The following CNTRL variants were observed in gnomAD, a reference collection of about 807,000 sequenced individuals.
The protein encoded by CNTRL is 110 kDa centrosomal protein.
In CNTRL, 233 loss-of-function variants were observed where a neutral mutation model predicts 303.7. The observed-to-expected ratio is 0.77, with a 90% CI of 0.69 to 0.86. The LOEUF (loss-of-function observed/expected upper bound fraction) is 0.86, where lower values mean the gene tolerates loss of function less well. CNTRL is among the 40% of genes least tolerant of loss of function. The probability of loss-of-function intolerance (pLI) is 0.00; values close to 1 mark genes in which losing one functional copy is unlikely to be tolerated. For missense variants in CNTRL, 2,524 were observed against 2,650.6 expected, an observed-to-expected ratio of 0.95 and a Z score of 1.05; for synonymous variants, 900 against 922.2, an observed-to-expected ratio of 0.98 and a Z score of 0.44.
intron 34 of CNTRL, among the ~76,000 whole-genome samples, chr9:121,164,224 G>A (rs541360773): frequency 2.6e-5 from 4 of 152,226 alleles, no homozygotes; most frequent in Admixed American, 6.5e-5. Context: ...TTAAACTTTG[G>A]AAGACAGTTT....
At chr9:121,086,731 C>T (rs1327254662) in intron 2 of CNTRL, among the ~76,000 whole-genome samples, 1 of 150,994 alleles carries the variant, frequency 6.6e-6, no homozygotes, top group African/African-American at 2.4e-5. Context: ...GCTTCTGCCT[C>T]CTGGGTTCAA....
intron 34 of CNTRL, among the ~76,000 whole-genome samples, 196 bp downstream of exon 34, chr9:121,162,467 T>A (rs953392447): frequency 1.6e-4 from 25 of 152,184 alleles, no homozygotes; most frequent in African/African-American, 5.5e-4. Flanking sequence ...AGCATTTTTT[T>A]AAAATCTATT....
chr9:121,159,102 A>G, intron 31 of CNTRL, 83 bp downstream of exon 31: 1 of 1,331,734 alleles, frequency 7.5e-7, no homozygotes, highest in Non-Finnish European at 1.0e-6. Context: ...GCTTCTCCCC[A>G]AATGAAAATA....
chr9:121,123,319 C>A (rs544349778), intron 12 of CNTRL, among the ~76,000 whole-genome samples: 14 of 152,282 alleles, frequency 9.2e-5, no homozygotes, highest in Admixed American at 8.5e-4. Context: ...GTGGCTCATG[C>A]CTGTAATCCC....
intron 14 of CNTRL, among the ~76,000 whole-genome samples, chr9:121,132,161 A>G (rs560715650): frequency 1.5e-3 from 229 of 152,184 alleles, no homozygotes; most frequent in South Asian, 3.1e-3. Context: ...TATTTCCTGA[A>G]TTTGAATGTT....
At chr9:121,163,712 T>G (rs1440294074) in intron 34 of CNTRL, among the ~76,000 whole-genome samples, 1 of 152,092 alleles carries the variant, frequency 6.6e-6, no homozygotes, top group East Asian at 1.9e-4. Flanking sequence ...GAATAGACAT[T>G]TCATTACAGA....
At chr9:121,089,576 T>C (rs1201592202) in intron 3 of CNTRL, among the ~76,000 whole-genome samples, 2 of 152,152 alleles carry the variant, frequency 1.3e-5, no homozygotes, top group African/African-American at 4.8e-5. Flanking sequence ...TATTTAAAAG[T>C]GCAACAAATT....
At chr9:121,160,390 A>C (rs551976378) in intron 32 of CNTRL, 88 bp downstream of exon 32, 197 of 1,015,622 alleles carry the variant, frequency 1.9e-4, no homozygotes, top group Middle Eastern at 1.2e-3. Context: ...ATGGCCAAAA[A>C]AACTTTAAAG....
chr9:121,090,138 T>C, intron 3 of CNTRL, 137 bp from the exon 4 acceptor site: 1 of 474,208 alleles, frequency 2.1e-6, no homozygotes, highest in Admixed American at 4.0e-5. Flanking sequence ...ATTAAAACAT[T>C]ATGATTAGAA....
intron 35 of CNTRL, 40 bp downstream of exon 35, chr9:121,165,140 G>T: frequency 6.6e-7 from 1 of 1,511,220 alleles, no homozygotes; most frequent in Non-Finnish European, 8.8e-7. Context: ...TGATTTCCTT[G>T]CCCTTCGTTA....
chr9:121,097,334 A>C (rs1044752289), intron 6 of CNTRL, among the ~76,000 whole-genome samples: 2 of 152,154 alleles, frequency 1.3e-5, no homozygotes, highest in African/African-American at 4.8e-5. Context: ...ACCTTGGAGA[A>C]TTCTTTAATC....
At chr9:121,113,095 T>C (rs575007518) in intron 9 of CNTRL, among the ~76,000 whole-genome samples, 1 of 152,254 alleles carries the variant, frequency 6.6e-6, no homozygotes, top group African/African-American at 2.4e-5. Context: ...TATTAAAATA[T>C]ATTATACTGA....
chr9:121,098,459 C>G lies in CNTRL; in HGVS notation c.695C>G (p.Thr232Ser). 6.2e-7 allele frequency: 1 copy of G among 1,613,840 alleles called. No homozygotes were observed. Among genetic ancestry groups the G allele is most frequent in the Non-Finnish European group, 8.5e-7 (1 of 1,179,752 alleles). ...SLILVENPVV[T>S]LPHYLQFTIF... ...ATCCTAGTTGAAAATCCAGTTGTGA[C>G]CCTTCCTCATTACCTCCAGTTTACC... The change falls in exon 7 of 44, where the codon ACC (threonine) becomes AGC (serine). Residue 232 changes from threonine (T) to serine (S), a missense_variant. Physicochemically the swap from Thr to Ser is moderately conservative, Grantham distance 58. Coordinates refer to ENST00000373855, the MANE Select transcript of CNTRL (RefSeq NM_007018.6).
At chr9:121,151,151 A>G (rs1157453217) in intron 25 of CNTRL, among the ~76,000 whole-genome samples, 1 of 151,896 alleles carries the variant, frequency 6.6e-6, no homozygotes, top group Non-Finnish European at 1.5e-5. Flanking sequence ...TATTATTTTC[A>G]TAGTTTATAT....
chr9:121,143,816 A>G (rs2051668949), intron 19 of CNTRL, 87 bp from the exon 20 acceptor site: 1 of 1,015,696 alleles, frequency 9.8e-7, no homozygotes, highest in Non-Finnish European at 1.4e-6. Flanking sequence ...GCAGCAGTGA[A>G]CAGAGTCCCT....
At chr9:121,108,503 T>C (rs533189669) in intron 8 of CNTRL, among the ~76,000 whole-genome samples, 1 of 152,354 alleles carries the variant, frequency 6.6e-6, no homozygotes, top group South Asian at 2.1e-4. Context: ...TATAATGTTA[T>C]TGATATGTTT....
Position 121,169,678 on chromosome 9 carries a change from A to G in CNTRL, c.6138A>G (p.Lys2046=), listed in dbSNP as rs1184632477. Residue 2046 remains lysine (K), a synonymous_variant, in exon 39 of 44, where the codon AAA becomes AAG. Coordinates refer to ENST00000373855, the MANE Select transcript of CNTRL (RefSeq NM_007018.6). ...EKSGELLALQ[K]EADSMRADFS... ...CAGGTGAGCTGTTGGCCCTCCAGAA[A>G]GAGGCAGATTCTATGAGGGCAGACT... 2 of 1,614,188 alleles carry G rather than the reference A, an allele frequency of 1.2e-6. No individual in the cohort carries two copies. The highest frequency in any genetic ancestry group is 1.7e-5 in the Admixed American group (1 of 60,028).
At chr9:121,137,541 A>G (rs1017840511) in intron 15 of CNTRL, among the ~76,000 whole-genome samples, 5 of 152,216 alleles carry the variant, frequency 3.3e-5, no homozygotes, top group Non-Finnish European at 7.3e-5. Flanking sequence ...AAAAGGAACT[A>G]GAAATATATC....
intron 9 of CNTRL, 84 bp from the exon 10 acceptor site, chr9:121,113,418 T>C (rs183383210): frequency 1.8e-5 from 12 of 659,756 alleles, no homozygotes; most frequent in African/African-American, 9.3e-5. Context: ...TTCTGTGATA[T>C]GTTTGCCACT....
Sources: allele counts gnomAD v4.1 joint callset (sites outside exome capture counted in the v4.1 genomes callset), GRCh38; gene constraint gnomAD v4.1.1; transcripts MANE v1.5; gene names NCBI Gene and HGNC (gene_info 2026-07-23, HGNC 2026-07-21).